The following CCDC148 variants were observed in gnomAD, a reference collection of about 807,000 sequenced individuals.
CCDC148 encodes coiled-coil domain-containing protein 148.
Under a neutral mutation model 85.7 loss-of-function variants are expected in CCDC148, and 89 were observed. The observed-to-expected ratio is 1.04, with a 90% confidence interval of 0.87 to 1.24. CCDC148 has a LOEUF of 1.24. CCDC148 is among the 50% of genes most tolerant of loss of function. The pLI, the probability that CCDC148 is intolerant of heterozygous loss-of-function variation, is 0.00. For missense variants in CCDC148, 692 were observed against 671.7 expected (o/e 1.03, Z -0.33); for synonymous variants, 230 against 213.9 (o/e 1.08, Z -0.66).
chr2:158,280,918 A>T (rs536531943), intron 9 of CCDC148, among the ~76,000 whole-genome samples: 13 of 152,316 alleles, frequency 8.5e-5, no homozygotes, highest in South Asian at 4.1e-4. Flanking sequence ...AGAAATTATA[A>T]CAAACTATCT....
chr2:158,389,116 T>C (rs1685202806), intron 1 of CCDC148, among the ~76,000 whole-genome samples: 1 of 152,294 alleles, frequency 6.6e-6, no homozygotes, highest in African/African-American at 2.4e-5. Flanking sequence ...CTACACATAC[T>C]CTTCCTTAAA....
At chr2:158,234,389 C>A (rs1271455965) in intron 10 of CCDC148, among the ~76,000 whole-genome samples, 1 of 151,998 alleles carries the variant, frequency 6.6e-6, no homozygotes, top group Non-Finnish European at 1.5e-5. Context: ...CTTATCAGTG[C>A]CTTAAACTTG....
chr2:158,229,269 G>T (rs1181838671), intron 10 of CCDC148, among the ~76,000 whole-genome samples: 5 of 152,060 alleles, frequency 3.3e-5, no homozygotes, highest in Non-Finnish European at 7.3e-5. Context: ...CATCCTCTGG[G>T]CTCCACTTAT....
chr2:158,385,659 TATATAAAAGAAG>T (rs1419554024), intron 1 of CCDC148, among the ~76,000 whole-genome samples: 1 of 152,060 alleles, frequency 6.6e-6, no homozygotes, highest in Non-Finnish European at 1.5e-5. Context: ...TACACAAAGA[TATATAAAAGAAG>T]ATATTAATTA....
At chr2:158,224,021 C>T (rs976573157) in intron 10 of CCDC148, among the ~76,000 whole-genome samples, 5 of 152,040 alleles carry the variant, frequency 3.3e-5, no homozygotes, top group Non-Finnish European at 5.9e-5. Flanking sequence ...CAAACTACTC[C>T]GAGCTAAAGG....
chr2:158,266,963 T>TAC (rs1559029471), intron 9 of CCDC148, among the ~76,000 whole-genome samples: 1 of 151,082 alleles, frequency 6.6e-6, no homozygotes, highest in African/African-American at 2.4e-5. Context: ...TATATATATA[T>TAC]ATACACATAT....
intron 11 of CCDC148, among the ~76,000 whole-genome samples, chr2:158,198,018 C>T (rs892620096): frequency 1.3e-5 from 2 of 152,112 alleles, no homozygotes; most frequent in African/African-American, 2.4e-5. Context: ...TTGGTCTCTA[C>T]TTATCTATTT....
Position 158,399,185 on chromosome 2 carries a change from C to A in CCDC148, c.26-40615G>T, listed in dbSNP as rs555418142. Among the ~76,000 whole-genome samples the A allele has an allele frequency of 4.1e-3, 617 of 152,278 alleles. 1 individual carries two copies. Among genetic ancestry groups the A allele is most frequent in the African/African-American group, 0.014 (582 of 41,556 alleles). On this transcript the variant is annotated intron_variant, in intron 1 of 13. Transcript: ENST00000283233. ...GACCAGATGGATTCACAGCCGAATT[C>A]TACCAGCGGTACAAGGAGAGCTGGT...
At chr2:158,224,050 C>A (rs1318519822) in intron 10 of CCDC148, among the ~76,000 whole-genome samples, 1 of 151,998 alleles carries the variant, frequency 6.6e-6, no homozygotes, top group Non-Finnish European at 1.5e-5. Flanking sequence ...CGAACCATGG[C>A]AAACAAGTTA....
chr2:158,272,772 G>C (rs1689756845), intron 9 of CCDC148, among the ~76,000 whole-genome samples: 1 of 152,134 alleles, frequency 6.6e-6, no homozygotes, highest in Non-Finnish European at 1.5e-5. Context: ...CTATACTTCT[G>C]CTCATTCACT....
rs573053365 is a variant in CCDC148 at position 158,181,375 on chromosome 2, C to A, written c.1371-2379G>T. ...TTATTTAACAGGTATTTGTTGAGCACCTGCCATGCATCAAGGGCTGTGTTA... is the reference window on the plus strand; with the variant it reads ...TTATTTAACAGGTATTTGTTGAGCAACTGCCATGCATCAAGGGCTGTGTTA... On this transcript the variant is annotated intron_variant, in intron 11 of 13. Transcript: ENST00000283233. Among the ~76,000 whole-genome samples the A allele has an allele frequency of 1.4e-4, 21 of 152,224 alleles. No individual in the cohort carries two copies. In the South Asian group the frequency reaches 2.7e-3, roughly 20 times the overall value.
intron 1 of CCDC148, among the ~76,000 whole-genome samples, chr2:158,418,488 T>C (rs1686611302): frequency 6.6e-6 from 1 of 152,184 alleles, no homozygotes. Flanking sequence ...ACACCTTCCT[T>C]CTGTTCCTGG....
intron 1 of CCDC148, among the ~76,000 whole-genome samples, chr2:158,370,930 T>A (rs1684410316): frequency 6.6e-6 from 1 of 151,918 alleles, no homozygotes; most frequent in Non-Finnish European, 1.5e-5. Context: ...ACTAGTCTAA[T>A]TCTGCATAGC....
At chr2:158,228,324 A>G (rs1008865484) in intron 10 of CCDC148, among the ~76,000 whole-genome samples, 1 of 152,210 alleles carries the variant, frequency 6.6e-6, no homozygotes, top group African/African-American at 2.4e-5. Flanking sequence ...GCTGGAGAGG[A>G]CATGGAGAAA....
At chr2:158,246,741 T>C (rs541879514) in intron 10 of CCDC148, among the ~76,000 whole-genome samples, 1 of 152,168 alleles carries the variant, frequency 6.6e-6, no homozygotes, top group East Asian at 1.9e-4. Flanking sequence ...CCATAATCAC[T>C]CTCTGCAAAA....
At chr2:158,398,138 A>C (rs933135318) in intron 1 of CCDC148, among the ~76,000 whole-genome samples, 1 of 152,068 alleles carries the variant, frequency 6.6e-6, no homozygotes, top group African/African-American at 2.4e-5. Flanking sequence ...AAGTTCTTAG[A>C]GACCTACAAA....
chr2:158,361,554 A>G (rs1683947488), intron 1 of CCDC148, among the ~76,000 whole-genome samples: 1 of 152,178 alleles, frequency 6.6e-6, no homozygotes, highest in Admixed American at 6.5e-5. Context: ...TCAACCCAGA[A>G]TTTCATATCC....
In CCDC148 at chr2:158,246,645, T is replaced by C. The variant is rs147412560; in HGVS notation, c.1251+4127A>G. On this transcript the variant is annotated intron_variant, in intron 10 of 13. Coordinates refer to ENST00000283233, the MANE Select transcript of CCDC148 (RefSeq NM_138803.4). ...CCTTTAACATTTGTCATGGGACCTGTGCTCACGGGAGCTGGAATCAAGCTA... is the reference window on the plus strand; with the variant it reads ...CCTTTAACATTTGTCATGGGACCTGCGCTCACGGGAGCTGGAATCAAGCTA... Among the ~76,000 whole-genome samples the C allele has an allele frequency of 3.9e-5, 6 of 152,272 alleles. No individual in the cohort carries two copies. In the East Asian group the frequency reaches 1.2e-3, roughly 29 times the overall value.
chr2:158,210,390 T>C (rs562968931), intron 11 of CCDC148, among the ~76,000 whole-genome samples: 2 of 152,028 alleles, frequency 1.3e-5, no homozygotes, highest in Non-Finnish European at 2.9e-5. Context: ...ACTGTCAATA[T>C]TAGACAGAAC....
Sources: gnomAD v4.1 joint callset for allele counts (sites outside exome capture counted in the v4.1 genomes callset) on GRCh38, gnomAD v4.1.1 for gene constraint, MANE v1.5 for transcripts, NCBI Gene and HGNC (gene_info 2026-07-23, HGNC 2026-07-21) for gene names.